Variants in ZFP36L2 observed in about 807,000 individuals in gnomAD.
The protein encoded by ZFP36L2 is ZFP36 like 2 zinc finger CCCH-type, also known as mRNA decay activator protein ZFP36L2.
Under a neutral mutation model 27.9 loss-of-function variants are expected in ZFP36L2, and 16 were observed. The observed-to-expected ratio is 0.57, with a 90% CI of 0.39 to 0.87. The LOEUF (loss-of-function observed/expected upper bound fraction) is 0.87. Ranked by LOEUF, ZFP36L2 falls within the 40% of genes least tolerant of loss-of-function variation. ZFP36L2 has a pLI of 0.00. For missense variants in ZFP36L2, 989 were observed against 726.9 expected, an observed-to-expected ratio of 1.36 and a Z score of -4.15; for synonymous variants, 600 against 363.8, an observed-to-expected ratio of 1.65 and a Z score of -7.39.
In ZFP36L2 at chr2:43,225,525, G is replaced by T; in HGVS notation, c.279C>A (p.Gly93=). 4 of 1,585,756 alleles carry T rather than the reference G, an allele frequency of 2.5e-6. No individual in the cohort carries two copies. Among genetic ancestry groups the T allele is most frequent in the Non-Finnish European group, 3.4e-6 (4 of 1,169,858 alleles). Reference sequence around the variant, plus strand: ...TAAGGGTGCCGTAGGAGGTCGGACCGCCGGCCGCCGCGCTGCCGCAGCTGC... The same window carrying T: ...TAAGGGTGCCGTAGGAGGTCGGACCTCCGGCCGCCGCGCTGCCGCAGCTGC... The part of the protein sequence containing the change: ...NGSSCGSAAA[G]GPTSYGTLKE... The change falls in exon 2 of 2, where the codon GGC becomes GGA. Residue 93 remains glycine, a synonymous_variant. Transcript: ENST00000282388.
chr2:43,224,017 G>A lies in ZFP36L2; in HGVS notation c.*302C>T, dbSNP rs1441282796. On this transcript the variant is annotated 3_prime_UTR_variant, in exon 2 of 2. Transcript: ENST00000282388. ...TTTTTTTTTTTTTTTTGTTCTATTC[G>A]TATCACAACTGCCCTGTTGTGAATA... 1 of 266,622 alleles carries A rather than the reference G, an allele frequency of 3.8e-6. No individual in the cohort carries two copies. The highest frequency in any genetic ancestry group is 6.8e-6 in the Non-Finnish European group (1 of 147,292). The allele number at this position is 266,622 out of a possible 1,614,324, so 16.5% of individuals were successfully genotyped here. A position where few individuals can be genotyped will look rare whatever the true frequency, so the allele number is the denominator to read the frequency against.
intron 1 of ZFP36L2, among the ~76,000 whole-genome samples, 168 bp downstream of exon 1, chr2:43,226,097 C>G (rs1017617610): frequency 6.6e-6 from 1 of 152,200 alleles, no homozygotes; most frequent in Non-Finnish European, 1.5e-5. Flanking sequence ...CCGGCGCCCT[C>G]CTTGCCGCCC....
rs1213826239 is a variant in ZFP36L2 at position 43,224,918 on chromosome 2, C to A, written c.886G>T (p.Ala296Ser). ...RTPPPPSCSS[A>S]SSCSSSASSC... ...GAGGCGGAGGAGGAGCAGGACGAGG[C>A]CGAAGAGCAGGAGGGCGGCGGCGGC... The change falls in exon 2 of 2, where the codon GCC becomes TCC. Residue 296 changes from alanine to serine, a missense_variant. Physicochemically the swap from Ala to Ser is moderately conservative, Grantham distance 99. Coordinates refer to ENST00000282388, the MANE Select transcript of ZFP36L2 (RefSeq NM_006887.5). The A allele has an allele frequency of 6.5e-7, 1 of 1,549,684 alleles. No individual in the cohort carries two copies. Among genetic ancestry groups the A allele is most frequent in the Non-Finnish European group, 8.6e-7 (1 of 1,163,804 alleles).
chr2:43,224,709 G>C lies in ZFP36L2; in HGVS notation c.1095C>G (p.Phe365Leu). Residue 365 changes from phenylalanine to leucine, a missense_variant, in exon 2 of 2, where the codon TTC (phenylalanine) becomes TTG (leucine). Physicochemically the swap from Phe to Leu is conservative, Grantham distance 22 (BLOSUM62 0). Coordinates refer to ENST00000282388, the MANE Select transcript of ZFP36L2 (RefSeq NM_006887.5). ...SASCANNAFA[F>L]GPELSSLITP... is the part of the protein sequence containing the mutation. The stretch of plus-strand genomic sequence containing the variant: ...TGATGAGGCTGCTGAGCTCCGGACC[G>C]AAGGCGAAGGCGTTGTTGGCGCACG... The C allele has an allele frequency of 1.3e-6, 2 of 1,533,406 alleles. No homozygotes were observed. The highest frequency in any genetic ancestry group is 1.7e-6 in the Non-Finnish European group (2 of 1,146,182). The allele number at this position is 1,533,406 out of a possible 1,614,324, so 95.0% of individuals were successfully genotyped here. A position where few individuals can be genotyped will look rare whatever the true frequency, so the allele number is the denominator to read the frequency against.
Position 43,223,368 on chromosome 2 carries a change from ACAT to A in ZFP36L2, c.*948_*950del, listed in dbSNP as rs1572679561. On this transcript the variant is annotated 3_prime_UTR_variant, in exon 2 of 2. Coordinates refer to ENST00000282388, the MANE Select transcript of ZFP36L2 (RefSeq NM_006887.5). ...GATTAATAATGGCAATCATAATTTA[ACAT>A]AATAAAAGAATATATATCTATTGCT... 2 of 152,296 alleles carry A rather than the reference ACAT, an allele frequency of 1.3e-5. No individual in the cohort carries two copies. The highest frequency in any genetic ancestry group is 6.5e-5 in the Admixed American group (1 of 15,286). 9.4% of individuals were successfully genotyped at this position (152,296 alleles called of 1,614,324 possible).
rs1171447004 is a variant in ZFP36L2 at position 43,224,807 on chromosome 2, G to C, written c.997C>G (p.Leu333Val). The change falls in exon 2 of 2, where the codon CTG becomes GTG. Residue 333 changes from leucine to valine, a missense_variant. Transcript: ENST00000282388. ...ASAAAAAAAA[L>V]LYGTGGAEDL... is the part of the protein sequence containing the mutation. Reference sequence around the variant, plus strand: ...TCGGCGCCCCCGGTGCCGTACAGCAGAGCGGCCGCAGCCGCGGCCGCCGCG... The same window carrying C: ...TCGGCGCCCCCGGTGCCGTACAGCACAGCGGCCGCAGCCGCGGCCGCCGCG... The C allele has an allele frequency of 9.8e-6, 14 of 1,427,824 alleles. No individual in the cohort carries two copies. The highest frequency in any genetic ancestry group is 1.3e-5 in the Non-Finnish European group (14 of 1,104,264). The allele number at this position is 1,427,824 out of a possible 1,614,324, so 88.4% of individuals were successfully genotyped here.
Position 43,225,603 on chromosome 2 carries a change from G to C in ZFP36L2, c.201C>G (p.Pro67=), listed in dbSNP as rs765131712. The change falls in exon 2 of 2, where the codon CCC becomes CCG. Residue 67 remains proline (P), a synonymous_variant. Coordinates refer to ENST00000282388, the MANE Select transcript of ZFP36L2 (RefSeq NM_006887.5). ...SASNLHALAH[P]APSPGSCSPK... is the part of the protein sequence containing the mutation. Reference sequence around the variant, plus strand: ...GCGAGCAGCTGCCGGGGCTGGGCGCGGGGTGGGCGAGTGCATGCAGGTTGC... The same window carrying C: ...GCGAGCAGCTGCCGGGGCTGGGCGCCGGGTGGGCGAGTGCATGCAGGTTGC... The C allele has an allele frequency of 9.6e-6, 15 of 1,558,214 alleles. No individual in the cohort carries two copies. The highest frequency in any genetic ancestry group is 1.9e-5 in the Admixed American group (1 of 53,374).
At position 43,225,725 on chromosome 2, in the gene ZFP36L2, G is replaced by C. The variant is rs1396298888; in HGVS notation, c.79C>G (p.Leu27Val). Residue 27 changes from leucine (L) to valine (V), a missense_variant, in exon 2 of 2, where the codon CTG becomes GTG. Coordinates refer to ENST00000282388, the MANE Select transcript of ZFP36L2 (RefSeq NM_006887.5). ...GCCTTCTTGTCCAGCATGTTGTTCA[G>C]GTTGAGGTTGGCCAGGGATTTCTCT... ...KTEKSLANLNLNNMLDKKAVG... is the reference protein window; with the variant it reads ...KTEKSLANLNVNNMLDKKAVG... 1 of 1,594,324 alleles carries C rather than the reference G, an allele frequency of 6.3e-7. No homozygotes were observed. The highest frequency in any genetic ancestry group is 8.5e-7 in the Non-Finnish European group (1 of 1,178,246).
rs1329824744 is a variant in ZFP36L2, at chr2:43,222,649, A to T, written c.*1670T>A. 6.6e-6 allele frequency: 1 copy of T among 152,342 alleles called. No individual in the cohort carries two copies. The highest frequency in any genetic ancestry group is 2.4e-5 in the African/African-American group (1 of 41,450). 9.4% of individuals were successfully genotyped at this position (152,342 alleles called of 1,614,324 possible). On this transcript the variant is annotated 3_prime_UTR_variant, in exon 2 of 2. Transcript: ENST00000282388. ...TCTGCTGTCCAGGAAAGCTTAGGAG[A>T]CATTCCTGCCTTTCTACATGGAAAA... is the stretch of plus-strand genomic sequence containing the variant.
Position 43,224,814 on chromosome 2 carries a change from C to CGCAGCCGCG in ZFP36L2, c.981_989dup (p.Ala330_Ala332dup). ...CCCCGGTGCCGTACAGCAGAGCGGC[C>CGCAGCCGCG]GCAGCCGCGGCCGCCGCGGAGGCGC... is the stretch of plus-strand genomic sequence containing the variant. On this transcript the variant is annotated inframe_insertion, in exon 2 of 2. Transcript: ENST00000282388. 1 of 1,421,910 alleles carries CGCAGCCGCG rather than the reference C, an allele frequency of 7.0e-7. No homozygotes were observed. Among genetic ancestry groups the CGCAGCCGCG allele is most frequent in the African/African-American group, 1.5e-5 (1 of 65,670 alleles). 88.1% of individuals were successfully genotyped at this position (1,421,910 alleles called of 1,614,324 possible).
chr2:43,224,634 G>GGCGGCGGCGGCC lies in ZFP36L2; in HGVS notation c.1158_1169dup (p.Ala387_Ala390dup). ...GCTGCTGCTGCTGACTGCGGTAGTA[G>GGCGGCGGCGGCC]GCGGCGGCGGCCACGGCGGCAAAGT... is the stretch of plus-strand genomic sequence containing the variant. On this transcript the variant is annotated inframe_insertion, in exon 2 of 2. Coordinates refer to ENST00000282388, the MANE Select transcript of ZFP36L2 (RefSeq NM_006887.5). 1.3e-6 allele frequency: 2 copies of GGCGGCGGCGGCC among 1,486,112 alleles called. No individual in the cohort carries two copies. The highest frequency in any genetic ancestry group is 1.8e-6 in the Non-Finnish European group (2 of 1,120,226). 92.1% of individuals were successfully genotyped at this position (1,486,112 alleles called of 1,614,324 possible). A position where few individuals can be genotyped will look rare whatever the true frequency, so the allele number is the denominator to read the frequency against.
rs769881803 is a variant in ZFP36L2, at chr2:43,224,753, C to T, written c.1051G>A (p.Ala351Thr). 4.7e-6 allele frequency: 7 copies of T among 1,503,040 alleles called. No individual in the cohort carries two copies. The highest frequency in any genetic ancestry group is 5.3e-6 in the Non-Finnish European group (6 of 1,133,398). The allele number at this position is 1,503,040 out of a possible 1,614,324, so 93.1% of individuals were successfully genotyped here. The change falls in exon 2 of 2, where the codon GCG (alanine) becomes ACG (threonine). Residue 351 changes from alanine (A) to threonine (T), a missense_variant. By Grantham distance (58) the Ala-to-Thr change is moderately conservative. Transcript: ENST00000282388. ...EDLLAPGAPCAACSSASCANN... is the reference protein window; with the variant it reads ...EDLLAPGAPCTACSSASCANN... The stretch of plus-strand genomic sequence containing the variant: ...GCGCACGAGGCCGACGAGCAGGCCG[C>T]GCACGGGGCCCCCGGCGCCAGCAGG...
Position 43,224,061 on chromosome 2 carries a change from G to T in ZFP36L2, c.*258C>A. 2.8e-6 allele frequency: 1 copy of T among 356,424 alleles called. No individual in the cohort carries two copies. Among genetic ancestry groups the T allele is most frequent in the Non-Finnish European group, 4.9e-6 (1 of 202,040 alleles). The allele number at this position is 356,424 out of a possible 1,614,324, so 22.1% of individuals were successfully genotyped here. ...GTGAATATTTTGTTCAACAGAAAAA[G>T]TTCGACTTTTTTGCTCAAAAAGAAT... On this transcript the variant is annotated 3_prime_UTR_variant, in exon 2 of 2. Transcript: ENST00000282388.
chr2:43,224,284 C>A lies in ZFP36L2; in HGVS notation c.*35G>T. 2 of 1,510,006 alleles carry A rather than the reference C, an allele frequency of 1.3e-6. No homozygotes were observed. The highest frequency in any genetic ancestry group is 1.2e-5 in the South Asian group (1 of 81,400). 93.5% of individuals were successfully genotyped at this position (1,510,006 alleles called of 1,614,324 possible). A position where few individuals can be genotyped will look rare whatever the true frequency, so the allele number is the denominator to read the frequency against. ...GGGGTGTCCTCCAACATCTCTGAACCGCCTTCCCTTCCTCCTCACTGGCGC... is the reference window on the plus strand; with the variant it reads ...GGGGTGTCCTCCAACATCTCTGAACAGCCTTCCCTTCCTCCTCACTGGCGC... On this transcript the variant is annotated 3_prime_UTR_variant, in exon 2 of 2. Coordinates refer to ENST00000282388, the MANE Select transcript of ZFP36L2 (RefSeq NM_006887.5).
rs1277188729 is a variant in ZFP36L2 at position 43,223,385 on chromosome 2, ATATC to A, written c.*930_*933del. 4 of 152,348 alleles carry A rather than the reference ATATC, an allele frequency of 2.6e-5. No individual in the cohort carries two copies. In the South Asian group the frequency reaches 6.2e-4, roughly 24 times the overall value. 9.4% of individuals were successfully genotyped at this position (152,348 alleles called of 1,614,324 possible). A position where few individuals can be genotyped will look rare whatever the true frequency, so the allele number is the denominator to read the frequency against. Reference sequence around the variant, plus strand: ...ATAATTTAACATAATAAAAGAATATATATCTATTGCTTTTCATCATACTTGATAA... The same window carrying A: ...ATAATTTAACATAATAAAAGAATATATATTGCTTTTCATCATACTTGATAA... On this transcript the variant is annotated 3_prime_UTR_variant, in exon 2 of 2. Coordinates refer to ENST00000282388, the MANE Select transcript of ZFP36L2 (RefSeq NM_006887.5).
Position 43,226,498 on chromosome 2 carries a change from G to C in ZFP36L2, c.-183C>G. On this transcript the variant is annotated 5_prime_UTR_variant, in exon 1 of 2. Transcript: ENST00000282388. The stretch of plus-strand genomic sequence containing the variant: ...CGCGGGCCGGCGGGAGGGTCCGGCG[G>C]AGTGCGGCAGGGGGGAAGGAGAGAA... The C allele has an allele frequency of 1.4e-6, 1 of 703,298 alleles. No homozygotes were observed. The highest frequency in any genetic ancestry group is 2.3e-6 in the Non-Finnish European group (1 of 427,924). The allele number at this position is 703,298 out of a possible 1,614,324, so 43.6% of individuals were successfully genotyped here.
chr2:43,225,531 CGCCGCGCT>C lies in ZFP36L2; in HGVS notation c.265_272del (p.Ser89GlyfsTer11), dbSNP rs1667073618. ...TGCCGTAGGAGGTCGGACCGCCGGCCGCCGCGCTGCCGCAGCTGCTGCCGTTAGCGGCG... is the reference window on the plus strand; with the variant it reads ...TGCCGTAGGAGGTCGGACCGCCGGCCGCCGCAGCTGCTGCCGTTAGCGGCG... On this transcript the variant is annotated frameshift_variant, in exon 2 of 2. Transcript: ENST00000282388. LOFTEE classifies it high-confidence loss of function. 1 of 1,585,322 alleles carries C rather than the reference CGCCGCGCT, an allele frequency of 6.3e-7. No homozygotes were observed. Among genetic ancestry groups the C allele is most frequent in the Non-Finnish European group, 8.5e-7 (1 of 1,169,676 alleles).
rs139666432 is a variant in ZFP36L2 at position 43,225,736 on chromosome 2, G to A, written c.68C>T (p.Ala23Val). The change falls in exon 2 of 2, where the codon GCC becomes GTC. Residue 23 changes from alanine to valine, a missense_variant. Transcript: ENST00000282388. ...DFLCKTEKSL[A>V]NLNLNNMLDK... ...CAGCATGTTGTTCAGGTTGAGGTTG[G>A]CCAGGGATTTCTCTGTCTGCCAAAG... 1.1e-4 allele frequency: 174 copies of A among 1,592,620 alleles called. No individual in the cohort carries two copies. The African/African-American group carries it at 2.1e-3, about 19-fold the overall frequency.
Position 43,225,532 on chromosome 2 carries a change from G to T in ZFP36L2, c.272C>A (p.Ala91Glu). The T allele has an allele frequency of 6.3e-7, 1 of 1,583,114 alleles. No homozygotes were observed. ...GCCGTAGGAGGTCGGACCGCCGGCC[G>T]CCGCGCTGCCGCAGCTGCTGCCGTT... ...AANGSSCGSA[A>E]AGGPTSYGTL... Residue 91 changes from alanine to glutamate, a missense_variant, in exon 2 of 2, where the codon GCG becomes GAG. By Grantham distance (107) the Ala-to-Glu change is moderately radical (BLOSUM62 -1). Coordinates refer to ENST00000282388, the MANE Select transcript of ZFP36L2 (RefSeq NM_006887.5).
Sources: gnomAD v4.1 joint callset for allele counts (sites outside exome capture counted in the v4.1 genomes callset) on GRCh38, gnomAD v4.1.1 for gene constraint, MANE v1.5 for transcripts, NCBI Gene and HGNC (gene_info 2026-07-23, HGNC 2026-07-21) for gene names.